The following KLB variants were observed in gnomAD, a reference collection of about 807,000 sequenced individuals.
The protein encoded by KLB is beta-klotho.
In KLB, 44 loss-of-function variants were observed where a neutral mutation model predicts 88.4. That is an observed-to-expected ratio of 0.50 (90% CI 0.39 to 0.64). The LOEUF (loss-of-function observed/expected upper bound fraction) is 0.64. Among genes scored for constraint, KLB ranks in the 30% least tolerant of loss-of-function variants. The probability of loss-of-function intolerance (pLI) is 0.00; values close to 1 mark genes in which losing one functional copy is unlikely to be tolerated. For synonymous variants in KLB, 548 were observed against 513.4 expected (o/e 1.07, Z -0.91); for missense variants, 1,137 against 1,304.8 (o/e 0.87, Z 1.98).
rs116770846 is a variant in KLB at position 39,445,147 on chromosome 4, A to G, written c.1606-1185A>G. Among the ~76,000 whole-genome samples the G allele has an allele frequency of 3.3e-3, 499 of 152,236 alleles. 1 individual carries two copies. Among genetic ancestry groups the G allele is most frequent in the Non-Finnish European group, 5.7e-3 (388 of 68,024 alleles). On this transcript the variant is annotated intron_variant, in intron 3 of 4. Transcript: ENST00000257408. Reference sequence around the variant, plus strand: ...AAAATGAAACCCAAGTCATGACTACATTGTGTTTGTATAGCGCTTTAGAGT... The same window carrying G: ...AAAATGAAACCCAAGTCATGACTACGTTGTGTTTGTATAGCGCTTTAGAGT...
chr4:39,414,664 T>G (rs973049472), intron 1 of KLB, among the ~76,000 whole-genome samples: 1 of 151,296 alleles, frequency 6.6e-6, no homozygotes, highest in Non-Finnish European at 1.5e-5. Context: ...AGGTCAGGAG[T>G]TCGAGACCAG....
chr4:39,439,449 CTGT>C (rs78945121), intron 3 of KLB, among the ~76,000 whole-genome samples: 1 of 133,006 alleles, frequency 7.5e-6, no homozygotes, highest in African/African-American at 2.9e-5. Context: ...TTTTTTGTTG[CTGT>C]TGTTTTTGTT....
intron 2 of KLB, among the ~76,000 whole-genome samples, chr4:39,436,105 G>A (rs1307563177): frequency 1.1e-4 from 16 of 152,178 alleles, no homozygotes; most frequent in Admixed American, 4.6e-4. Flanking sequence ...TAGAAACAAC[G>A]GAGCAGAAGA....
rs372177724 is a variant in KLB at position 39,446,839 on chromosome 4, G to C, written c.2113G>C (p.Gly705Arg). 6 of 1,612,476 alleles carry C rather than the reference G, an allele frequency of 3.7e-6. No homozygotes were observed. The highest frequency in any genetic ancestry group is 1.7e-4 in the Middle Eastern group (1 of 6,060). The change falls in exon 4 of 5, where the codon GGC (glycine) becomes CGC (arginine). Residue 705 changes from glycine to arginine, a missense_variant. Around this residue, in one of 4 missense-constraint regions of KLB, gnomAD observed 597 missense variants for 765.2 expected, o/e 0.78. Coordinates refer to ENST00000257408, the MANE Select transcript of KLB (RefSeq NM_175737.4). The surrounding 1 kb of genome is among the most constrained non-coding windows in gnomAD (Gnocchi z 6.4). ...GCTAAGTGACATCTACAACCGCTCT[G>C]GCAACGACACCTACGGGGCGGCGCA... ...NRLSDIYNRS[G>R]NDTYGAAHNL...
chr4:39,450,942 TGTTTA>T lies in KLB; in HGVS notation c.*2257_*2261del, dbSNP rs1390684690. ...AGGTTTTGCTTTCTCTTTCTCACTT[TGTTTA>T]AAGTATCTCGTACTCACAGTTCACA... is the stretch of plus-strand genomic sequence containing the variant. On this transcript the variant is annotated 3_prime_UTR_variant, in exon 5 of 5. Coordinates refer to ENST00000257408, the MANE Select transcript of KLB (RefSeq NM_175737.4). 6.6e-6 allele frequency: 1 copy of T among 152,168 alleles called. No homozygotes were observed. The highest frequency in any genetic ancestry group is 1.5e-5 in the Non-Finnish European group (1 of 68,034). The allele number at this position is 152,168 out of a possible 1,614,324, so 9.4% of individuals were successfully genotyped here. A position where few individuals can be genotyped will look rare whatever the true frequency, so the allele number is the denominator to read the frequency against.
chr4:39,443,387 A>C (rs1295817671), intron 3 of KLB, among the ~76,000 whole-genome samples: 5 of 150,258 alleles, frequency 3.3e-5, no homozygotes, highest in Non-Finnish European at 6.0e-5. Flanking sequence ...CCCCAAAAAA[A>C]AGAAAAAAGA....
rs1476789754 is a variant in KLB, at chr4:39,447,090, A to C, written c.2364A>C (p.Glu788Asp). Residue 788 changes from glutamate to aspartate, a missense_variant, in exon 4 of 5, where the codon GAA becomes GAC. By Grantham distance (45) the Glu-to-Asp change is conservative. This residue lies in a region of KLB where 426 missense variants were observed against 404.6 expected (regional missense o/e 1.05). Coordinates refer to ENST00000257408, the MANE Select transcript of KLB (RefSeq NM_175737.4). ...GGGACTACCCCGCGGCCATGAGGGA[A>C]TACATTGCCTCCAAGCACCGACGGG... The part of the protein sequence containing the change: ...KTGDYPAAMR[E>D]YIASKHRRGL... 6.2e-7 allele frequency: 1 copy of C among 1,613,150 alleles called. No individual in the cohort carries two copies. The highest frequency in any genetic ancestry group is 8.5e-7 in the Non-Finnish European group (1 of 1,179,946).
rs191647286 is a variant in KLB at position 39,423,647 on chromosome 4, A to G, written c.826-10563A>G. ...AGCTGTATTATCAATAAGGTACGTCAAGTAACCAACAAACTAGCTGATCCA... is the reference window on the plus strand; with the variant it reads ...AGCTGTATTATCAATAAGGTACGTCGAGTAACCAACAAACTAGCTGATCCA... On this transcript the variant is annotated intron_variant, in intron 1 of 4. Coordinates refer to ENST00000257408, the MANE Select transcript of KLB (RefSeq NM_175737.4). Among the ~76,000 whole-genome samples, 84 of 151,874 alleles carry G rather than the reference A, an allele frequency of 5.5e-4. 1 individual carries two copies. The highest frequency in any genetic ancestry group is 2.0e-3 in the African/African-American group (82 of 41,162).
intron 3 of KLB, among the ~76,000 whole-genome samples, chr4:39,442,147 G>A (rs1227976097): frequency 1.3e-5 from 2 of 151,984 alleles, no homozygotes; most frequent in African/African-American, 4.8e-5. Flanking sequence ...AGGAGGCTGA[G>A]GCAGGAGAAT....
chr4:39,444,943 G>T (rs1389202290), intron 3 of KLB, among the ~76,000 whole-genome samples: 1 of 152,174 alleles, frequency 6.6e-6, no homozygotes, highest in Non-Finnish European at 1.5e-5. Flanking sequence ...TTTACCAAAG[G>T]TTAATTATAG....
chr4:39,421,448 A>T (rs1398697657), intron 1 of KLB, among the ~76,000 whole-genome samples: 1 of 152,182 alleles, frequency 6.6e-6, no homozygotes, highest in Non-Finnish European at 1.5e-5. Flanking sequence ...GGATGCAGGC[A>T]TAATCAAAAC....
rs1560655457 is a variant in KLB at position 39,448,669 on chromosome 4, A to G, written c.3118A>G (p.Lys1040Glu). ...NLQHIPLKKG[K>E]RVVS Reference sequence around the variant, plus strand: ...ACAACACATACCATTAAAGAAAGGCAAGAGAGTTGTTAGCTAAACTGATCT... The same window carrying G: ...ACAACACATACCATTAAAGAAAGGCGAGAGAGTTGTTAGCTAAACTGATCT... Residue 1040 changes from lysine to glutamate, a missense_variant, in exon 5 of 5, where the codon AAG becomes GAG. This residue lies in a region of KLB where 426 missense variants were observed against 404.6 expected (regional missense o/e 1.05). Transcript: ENST00000257408. 6.2e-7 allele frequency: 1 copy of G among 1,609,632 alleles called. No individual in the cohort carries two copies. The highest frequency in any genetic ancestry group is 8.5e-7 in the Non-Finnish European group (1 of 1,179,522).
At chr4:39,424,733 G>A (rs1743163940) in intron 1 of KLB, among the ~76,000 whole-genome samples, 1 of 137,490 alleles carries the variant, frequency 7.3e-6, no homozygotes, top group Non-Finnish European at 1.5e-5. Flanking sequence ...CCGGGTTCAA[G>A]CGATTCTGTT....
rs770707900 is a variant in KLB at position 39,446,379 on chromosome 4, C to T, written c.1653C>T (p.Tyr551=). Residue 551 remains tyrosine (Y), a synonymous_variant, in exon 4 of 5, where the codon TAC becomes TAT. Coordinates refer to ENST00000257408, the MANE Select transcript of KLB (RefSeq NM_175737.4). The surrounding 1 kb of genome is among the most constrained non-coding windows in gnomAD (Gnocchi z 6.4). ...CACAGTTCAGCGATCCTCATCTGTACGTGTGGAACGCCACTGGCAACAGAC... is the reference window on the plus strand; with the variant it reads ...CACAGTTCAGCGATCCTCATCTGTATGTGTGGAACGCCACTGGCAACAGAC... ...SSPQFSDPHL[Y]VWNATGNRLL... 8 of 1,614,118 alleles carry T rather than the reference C, an allele frequency of 5.0e-6. No homozygotes were observed. The highest frequency in any genetic ancestry group is 1.7e-5 in the Admixed American group (1 of 60,020).
intron 1 of KLB, among the ~76,000 whole-genome samples, chr4:39,420,998 T>A (rs1409558561): frequency 6.6e-6 from 1 of 152,228 alleles, no homozygotes; most frequent in African/African-American, 2.4e-5. Context: ...TATGTACACA[T>A]AACATATACA....
intron 4 of KLB, 24 bp downstream of exon 4, chr4:39,447,499 A>G: frequency 6.6e-7 from 1 of 1,522,302 alleles, no homozygotes; most frequent in South Asian, 1.3e-5. Flanking sequence ...CCCTTCAGAC[A>G]CAGGGCAGAG....
In KLB at chr4:39,437,908, T is replaced by C. The variant is rs539147150; in HGVS notation, c.1518T>C (p.Asn506=). ...ACTACAAACAGATCATACGAGAAAA[T>C]GGTTTTTCTTTAAAAGAGTCCACGC... ...AHYYKQIIRE[N]GFSLKESTPD... is the part of the protein sequence containing the mutation. The change falls in exon 3 of 5, where the codon AAT becomes AAC. Residue 506 remains asparagine, a synonymous_variant. Coordinates refer to ENST00000257408, the MANE Select transcript of KLB (RefSeq NM_175737.4). 1 of 1,614,072 alleles carries C rather than the reference T, an allele frequency of 6.2e-7. No individual in the cohort carries two copies. The highest frequency in any genetic ancestry group is 1.7e-5 in the Admixed American group (1 of 60,006).
At position 39,448,457 on chromosome 4, in the gene KLB, T is replaced by C. The variant is rs1743811565; in HGVS notation, c.2906T>C (p.Phe969Ser). Residue 969 changes from phenylalanine to serine, a missense_variant, in exon 5 of 5, where the codon TTT (phenylalanine) becomes TCT (serine). Physicochemically the swap from Phe to Ser is radical, Grantham distance 155 (BLOSUM62 -2). This residue lies in a region of KLB where 426 missense variants were observed against 404.6 expected (regional missense o/e 1.05). Coordinates refer to ENST00000257408, the MANE Select transcript of KLB (RefSeq NM_175737.4). ...NKVISSRGFP[F>S]ENSSSRCSQT... ...GTGATCAGCAGCAGGGGCTTCCCTT[T>C]TGAGAACAGTAGTTCTAGATGCAGT... 6.2e-7 allele frequency: 1 copy of C among 1,614,172 alleles called. No homozygotes were observed. Among genetic ancestry groups the C allele is most frequent in the Non-Finnish European group, 8.5e-7 (1 of 1,180,006 alleles).
At position 39,431,502 on chromosome 4, in the gene KLB, C is replaced by T. The variant is rs1178874972; in HGVS notation, c.826-2708C>T. ...CCGACCTCAGGTGATCCGCCCGCCT[C>T]GGCCTCCCAAAGTGCTGGGATTACA... On this transcript the variant is annotated intron_variant, in intron 1 of 4. Coordinates refer to ENST00000257408, the MANE Select transcript of KLB (RefSeq NM_175737.4). 3.9e-5 allele frequency among the ~76,000 whole-genome samples: 6 copies of T among 152,014 alleles called. No individual in the cohort carries two copies. In the South Asian group the frequency reaches 1.0e-3, roughly 26 times the overall value.
Sources: gnomAD v4.1 joint callset for allele counts (sites outside exome capture counted in the v4.1 genomes callset) on GRCh38, gnomAD v4.1.1 for gene constraint, gnomAD v4.1.1 regional missense constraint, Gnocchi (gnomAD v3.1) non-coding constraint, MANE v1.5 for transcripts, NCBI Gene and HGNC (gene_info 2026-07-23, HGNC 2026-07-21) for gene names.